Variants in LCOR observed in about 807,000 individuals in gnomAD.
LCOR encodes the protein ligand dependent nuclear receptor corepressor.
A neutral mutation model predicts 64.4 loss-of-function variants in LCOR; 14 were observed. That is an observed-to-expected ratio of 0.22 (90% CI 0.14 to 0.34). The LOEUF (loss-of-function observed/expected upper bound fraction) is 0.34. Ranked by LOEUF, LCOR falls within the 10% of genes least tolerant of loss-of-function variation. LCOR has a pLI of 1.00. For missense variants in LCOR, 1,686 were observed against 1,765.3 expected, an observed-to-expected ratio of 0.96 and a Z score of 0.80; for synonymous variants, 643 against 642.5, an observed-to-expected ratio of 1.00 and a Z score of -0.01.
intron 7 of LCOR, among the ~76,000 whole-genome samples, chr10:96,953,779 C>T (rs1436791837): frequency 6.6e-6 from 1 of 152,080 alleles, no homozygotes; most frequent in Admixed American, 6.6e-5. Flanking sequence ...TAGGATTGCC[C>T]ATCTTTTAGT....
chr10:96,987,272 G>A lies in LCOR; in HGVS notation c.*2138G>A, dbSNP rs1848156553. Reference sequence around the variant, plus strand: ...TCATATAGTTGTCACTGGATATTGTGTTTGTGGTGACTTAAACAGCTGATG... The same window carrying A: ...TCATATAGTTGTCACTGGATATTGTATTTGTGGTGACTTAAACAGCTGATG... On this transcript the variant is annotated 3_prime_UTR_variant, in exon 8 of 8. Transcript: ENST00000421806. The A allele has an allele frequency of 6.6e-6, 1 of 152,208 alleles. No individual in the cohort carries two copies. Among genetic ancestry groups the A allele is most frequent in the African/African-American group, 2.4e-5 (1 of 41,446 alleles). 9.4% of individuals were successfully genotyped at this position (152,208 alleles called of 1,614,324 possible). A position where few individuals can be genotyped will look rare whatever the true frequency, so the allele number is the denominator to read the frequency against.
chr10:96,863,393 G>A lies in LCOR; in HGVS notation c.-330+29914G>A, dbSNP rs183290668. On this transcript the variant is annotated intron_variant, in intron 2 of 7. Coordinates refer to ENST00000421806, the MANE Select transcript of LCOR (RefSeq NM_001346516.2). ...TAATTTTTGTAGTTTTAGTAGAGAC[G>A]GGGTTTCACCATGTTGGCCAGCCTG... Among the ~76,000 whole-genome samples the A allele has an allele frequency of 9.9e-5, 15 of 151,380 alleles. No homozygotes were observed. In the East Asian group the frequency reaches 1.6e-3, roughly 16 times the overall value.
intron 4 of LCOR, among the ~76,000 whole-genome samples, chr10:96,923,585 A>T (rs1398708583): frequency 6.6e-6 from 1 of 152,074 alleles, no homozygotes; most frequent in Non-Finnish European, 1.5e-5. Context: ...ACACATCTAA[A>T]CTCACAAGGT....
At chr10:96,836,308 G>T (rs999564644) in intron 2 of LCOR, among the ~76,000 whole-genome samples, 2 of 152,092 alleles carry the variant, frequency 1.3e-5, no homozygotes, top group Admixed American at 6.6e-5. Flanking sequence ...TTTTTTTAGA[G>T]ACAGGGTTTG....
In LCOR at chr10:96,878,119, T is replaced by C. The variant is rs185613318; in HGVS notation, c.-329-29146T>C. Among the ~76,000 whole-genome samples, 95 of 152,300 alleles carry C rather than the reference T, an allele frequency of 6.2e-4. 3 individuals carry two copies. In the South Asian group the frequency reaches 0.019, roughly 30 times the overall value. ...TAGTACATTGAAAAGTGTAGAAAAG[T>C]AACAATGCAGACCATGTGAGGTGTA... is the stretch of plus-strand genomic sequence containing the variant. On this transcript the variant is annotated intron_variant, in intron 2 of 7. Coordinates refer to ENST00000421806, the MANE Select transcript of LCOR (RefSeq NM_001346516.2).
At chr10:96,954,020 A>C (rs1847724459) in intron 7 of LCOR, among the ~76,000 whole-genome samples, 1 of 152,192 alleles carries the variant, frequency 6.6e-6, no homozygotes, top group Admixed American at 6.5e-5. Flanking sequence ...CTTTTTAAAC[A>C]TTGTTTGAAA....
At chr10:96,876,803 C>T (rs1449701519) in intron 2 of LCOR, among the ~76,000 whole-genome samples, 2 of 152,126 alleles carry the variant, frequency 1.3e-5, no homozygotes, top group Non-Finnish European at 2.9e-5. Context: ...ATTCTCCTGC[C>T]TCAGGCCTCC....
chr10:96,883,312 C>A (rs942347618), intron 2 of LCOR, among the ~76,000 whole-genome samples: 1 of 152,224 alleles, frequency 6.6e-6, no homozygotes, highest in African/African-American at 2.4e-5. Flanking sequence ...GGATTACAGG[C>A]ATGAGCCACT....
chr10:96,852,135 G>A (rs1179679960), intron 2 of LCOR, among the ~76,000 whole-genome samples: 1 of 152,170 alleles, frequency 6.6e-6, no homozygotes, highest in Non-Finnish European at 1.5e-5. Context: ...CTTTAGGTTA[G>A]GCCAAACACA....
At chr10:96,967,257 G>A (rs1053092183) in intron 7 of LCOR, among the ~76,000 whole-genome samples, 2 of 152,068 alleles carry the variant, frequency 1.3e-5, no homozygotes, top group Non-Finnish European at 1.5e-5. Context: ...TCAGCCACTC[G>A]AGTAGCTGGG....
chr10:96,874,099 C>T (rs1485353097), intron 2 of LCOR, among the ~76,000 whole-genome samples: 5 of 152,010 alleles, frequency 3.3e-5, no homozygotes, highest in Admixed American at 3.3e-4. Context: ...TAGATATAGT[C>T]CAAAAATATT....
chr10:96,932,456 ATTTTATT>A (rs1174258214), intron 4 of LCOR, among the ~76,000 whole-genome samples: 1 of 151,816 alleles, frequency 6.6e-6, no homozygotes, highest in Non-Finnish European at 1.5e-5. Context: ...ATTTTATTTT[ATTTTATT>A]TTATTTATTT....
At chr10:96,966,621 A>C (rs57501540) in intron 7 of LCOR, among the ~76,000 whole-genome samples, 21,219 of 152,202 alleles carry the variant, frequency 0.14, 2,012 homozygotes, top group African/African-American at 0.26. Flanking sequence ...TAATTTTTTT[A>C]ATAGAAAGTG....
chr10:96,944,961 A>G (rs1847561838), intron 5 of LCOR, among the ~76,000 whole-genome samples: 2 of 152,196 alleles, frequency 1.3e-5, no homozygotes, highest in African/African-American at 4.8e-5. Flanking sequence ...ACCATCAGCC[A>G]GAACCTTCAG....
intron 5 of LCOR, among the ~76,000 whole-genome samples, chr10:96,947,600 A>G (rs780598678): frequency 1.3e-5 from 2 of 152,166 alleles, no homozygotes; most frequent in Non-Finnish European, 2.9e-5. Flanking sequence ...ACTGTCTTGT[A>G]AAACCTCAAA....
At chr10:96,977,033 A>G (rs1367671191) in intron 7 of LCOR, among the ~76,000 whole-genome samples, 2 of 151,630 alleles carry the variant, frequency 1.3e-5, no homozygotes, top group East Asian at 3.8e-4. Context: ...CACTTGGAGT[A>G]TGTTCTTTGA....
At position 96,989,725 on chromosome 10, in the gene LCOR, A is replaced by C. The variant is rs1353569647; in HGVS notation, c.*4591A>C. 8.9e-6 allele frequency: 1 copy of C among 112,400 alleles called. No individual in the cohort carries two copies. The highest frequency in any genetic ancestry group is 1.6e-5 in the Non-Finnish European group (1 of 60,980). The allele number at this position is 112,400 out of a possible 1,614,324, so 7.0% of individuals were successfully genotyped here. ...TTTTTTTTTTTTTTTTTTTTAATAG[A>C]GACGAGGTTACGCTATGTTGCCGAG... is the stretch of plus-strand genomic sequence containing the variant. On this transcript the variant is annotated 3_prime_UTR_variant, in exon 8 of 8. Coordinates refer to ENST00000421806, the MANE Select transcript of LCOR (RefSeq NM_001346516.2).
At chr10:96,975,351 C>T (rs1848029547) in intron 7 of LCOR, among the ~76,000 whole-genome samples, 1 of 151,916 alleles carries the variant, frequency 6.6e-6, no homozygotes, top group African/African-American at 2.4e-5. Context: ...ATGTGAAGGC[C>T]TCTCAGATCG....
At chr10:96,954,897 C>T in intron 7 of LCOR, 1 of 1,438,550 alleles carries the variant, frequency 7.0e-7, no homozygotes, top group Non-Finnish European at 9.5e-7. Context: ...TCCCCTCACC[C>T]ATCCCTCCCT....
Sources: allele counts gnomAD v4.1 joint callset (sites outside exome capture counted in the v4.1 genomes callset), GRCh38; gene constraint gnomAD v4.1.1; transcripts MANE v1.5; gene names NCBI Gene and HGNC (gene_info 2026-07-23, HGNC 2026-07-21).